The following BPTF variants were observed in gnomAD, a reference collection of about 807,000 sequenced individuals.
The protein encoded by BPTF is nucleosome-remodeling factor subunit BPTF.
BPTF carries 18 observed loss-of-function variants against 292.5 expected under a neutral mutation model. That is an observed-to-expected ratio of 0.06 (90% CI 0.04 to 0.09). The LOEUF (loss-of-function observed/expected upper bound fraction) is 0.09, where lower values mean the gene tolerates loss of function less well. BPTF is among the 10% of genes least tolerant of loss of function. BPTF has a pLI of 1.00. For missense variants in BPTF, 2,726 were observed against 3,498.7 expected (o/e 0.78, Z 5.57); for synonymous variants, 1,225 against 1,251.9 (o/e 0.98, Z 0.45).
At chr17:67,881,858 G>GTTTTTTTT (rs71354089) in intron 4 of BPTF, among the ~76,000 whole-genome samples, 10 of 30,024 alleles carry the variant, frequency 3.3e-4, no homozygotes, top group African/African-American at 5.3e-4. Context: ...TTGGGTTTTT[G>GTTTTTTTT]TTTTTTTTTT....
Position 67,903,853 on chromosome 17 carries a change from C to A in BPTF, c.2608C>A (p.Gln870Lys). 1 of 1,591,138 alleles carries A rather than the reference C, an allele frequency of 6.3e-7. No homozygotes were observed. The highest frequency in any genetic ancestry group is 8.5e-7 in the Non-Finnish European group (1 of 1,172,280). Residue 870 changes from glutamine to lysine, a missense_variant, in exon 8 of 28, where the codon CAG (glutamine) becomes AAG (lysine). This residue lies in a region of BPTF where 99 missense variants were observed against 227.1 expected (regional missense o/e 0.44). Coordinates refer to ENST00000306378, the MANE Select transcript of BPTF (RefSeq NM_182641.4). ...KEKVKKKEKK[Q>K]EEEETMQQAT... ...GAAAGTCAAAAAAAAAGAGAAGAAA[C>A]AGGAAGAAGAAGAAACGATGCAGCA...
At chr17:67,897,173 ACAAAAAC>A (rs1214972075) in intron 7 of BPTF, among the ~76,000 whole-genome samples, 8 of 149,466 alleles carry the variant, frequency 5.4e-5, no homozygotes, top group African/African-American at 2.0e-4. Context: ...CTTAAAAAAA[ACAAAAAC>A]AAAAAACGAA....
intron 1 of BPTF, among the ~76,000 whole-genome samples, chr17:67,849,972 A>C (rs1303029374): frequency 6.6e-6 from 1 of 152,114 alleles, no homozygotes; most frequent in Admixed American, 6.6e-5. Context: ...CTCAGACTCT[A>C]TTCTAGGCCT....
chr17:67,970,764 A>G (rs2068670485), intron 26 of BPTF, among the ~76,000 whole-genome samples: 2 of 152,240 alleles, frequency 1.3e-5, no homozygotes, highest in South Asian at 4.1e-4. Context: ...TTTTCACATC[A>G]GCTGTTATAG....
chr17:67,840,868 C>A (rs1196275197), intron 1 of BPTF, among the ~76,000 whole-genome samples: 2 of 151,950 alleles, frequency 1.3e-5, no homozygotes, highest in Non-Finnish European at 2.9e-5. Flanking sequence ...CAGCCAATTT[C>A]TTATTATTGA....
chr17:67,975,599 T>C (rs1162182305), intron 26 of BPTF, 173 bp from the exon 27 acceptor site: 1 of 529,638 alleles, frequency 1.9e-6, no homozygotes, highest in Non-Finnish European at 3.2e-6. Context: ...AGAAACAAAA[T>C]TGGAAAAGTA....
At chr17:67,875,717 G>T in intron 4 of BPTF, 1 of 1,601,152 alleles carries the variant, frequency 6.2e-7, no homozygotes. Context: ...GAAGAAGGTG[G>T]CATCTGAGCT....
At chr17:67,945,259 ATCC>A in intron 20 of BPTF, 147 bp from the exon 21 acceptor site, 1 of 1,398,496 alleles carries the variant, frequency 7.2e-7, no homozygotes, top group Non-Finnish European at 9.5e-7. Context: ...TGCTCAAACG[ATCC>A]TCCCACCTCA....
At chr17:67,982,089 A>G in intron 27 of BPTF, 163 bp from the exon 28 acceptor site, 1 of 670,546 alleles carries the variant, frequency 1.5e-6, no homozygotes, top group East Asian at 3.0e-5. Context: ...TTAATATTAT[A>G]GGTTAAAATT....
intron 9 of BPTF, among the ~76,000 whole-genome samples, chr17:67,905,379 G>C (rs1470912660): frequency 6.6e-6 from 1 of 151,592 alleles, no homozygotes; most frequent in African/African-American, 2.4e-5. Flanking sequence ...CTGCACTCCA[G>C]CCTAGGTGAC....
At chr17:67,932,479 T>G (rs1598747557) in intron 18 of BPTF, among the ~76,000 whole-genome samples, 2 of 152,190 alleles carry the variant, frequency 1.3e-5, no homozygotes, top group East Asian at 3.9e-4. Context: ...GGAGTATCAC[T>G]TGAGCCCAGG....
chr17:67,911,746 A>G lies in BPTF; in HGVS notation c.3862A>G (p.Thr1288Ala). 1.2e-6 allele frequency: 2 copies of G among 1,614,198 alleles called. No homozygotes were observed. The highest frequency in any genetic ancestry group is 1.7e-5 in the Admixed American group (1 of 60,012). The change falls in exon 11 of 28, where the codon ACT becomes GCT. Residue 1288 changes from threonine to alanine, a missense_variant. Physicochemically the swap from Thr to Ala is moderately conservative, Grantham distance 58. Coordinates refer to ENST00000306378, the MANE Select transcript of BPTF (RefSeq NM_182641.4). ...KLGCDSESNSTLENSSDTVSI... is the reference protein window; with the variant it reads ...KLGCDSESNSALENSSDTVSI... ...GGGATGTGACTCTGAATCTAATAGC[A>G]CTTTGGAAAATAGTTCTGATACCGT...
chr17:67,826,150 CGAGGAGGAG>C lies in BPTF; in HGVS notation c.438_446del (p.Glu146_Glu148del). On this transcript the variant is annotated inframe_deletion, in exon 1 of 28. Transcript: ENST00000306378. The stretch of plus-strand genomic sequence containing the variant: ...AGGAGGAAGAGGAGGACATGGTCTC[CGAGGAGGAG>C]GAGGAGGAGGACGGCGACGCCGAGG... 5 of 1,497,784 alleles carry C rather than the reference CGAGGAGGAG, an allele frequency of 3.3e-6. No homozygotes were observed. The East Asian group carries it at 6.8e-5, about 20-fold the overall frequency. The allele number at this position is 1,497,784 out of a possible 1,614,324, so 92.8% of individuals were successfully genotyped here. A position where few individuals can be genotyped will look rare whatever the true frequency, so the allele number is the denominator to read the frequency against.
chr17:67,974,246 T>A (rs2069125496), intron 26 of BPTF: 1 of 152,006 alleles, frequency 6.6e-6, no homozygotes, highest in African/African-American at 2.4e-5. Flanking sequence ...TCAGATAGAT[T>A]TATTTCAGTC....
chr17:67,946,443 T>C (rs1296149942), intron 21 of BPTF, 118 bp downstream of exon 21: 3 of 1,440,622 alleles, frequency 2.1e-6, no homozygotes, highest in Admixed American at 2.5e-5. Context: ...AATGTTTAAA[T>C]TTAGAAGAAA....
chr17:67,941,911 G>T (rs551413052), intron 19 of BPTF, among the ~76,000 whole-genome samples: 6 of 152,150 alleles, frequency 3.9e-5, no homozygotes, highest in Non-Finnish European at 8.8e-5. Flanking sequence ...TGAAGAAAAT[G>T]AGAAAAGAAC....
chr17:67,828,313 C>T (rs1397596783), intron 1 of BPTF, among the ~76,000 whole-genome samples: 2 of 152,082 alleles, frequency 1.3e-5, no homozygotes, highest in East Asian at 3.9e-4. Flanking sequence ...AATTGAAACA[C>T]GGAGACTGAA....
chr17:67,983,869 A>G lies in BPTF; in HGVS notation c.*1581A>G, dbSNP rs188459578. On this transcript the variant is annotated 3_prime_UTR_variant, in exon 28 of 28. Transcript: ENST00000306378. ...TTTCTTAAAAGAAAGATGTTGCTAC[A>G]GTTCCCGATTCTTTCTTATTACAGG... 315 of 152,772 alleles carry G rather than the reference A, an allele frequency of 2.1e-3. No individual in the cohort carries two copies. The highest frequency in any genetic ancestry group is 4.8e-3 in the South Asian group (23 of 4,832). 9.5% of individuals were successfully genotyped at this position (152,772 alleles called of 1,614,324 possible).
intron 5 of BPTF, among the ~76,000 whole-genome samples, chr17:67,892,884 G>C (rs1206783474): frequency 6.6e-6 from 1 of 152,084 alleles, no homozygotes; most frequent in Non-Finnish European, 1.5e-5. Context: ...CTAAGAGTTG[G>C]GATCAACTGT....
Sources: allele counts gnomAD v4.1 joint callset (sites outside exome capture counted in the v4.1 genomes callset), GRCh38; gene constraint gnomAD v4.1.1; regional missense constraint gnomAD v4.1.1; transcripts MANE v1.5; gene names NCBI Gene and HGNC (gene_info 2026-07-23, HGNC 2026-07-21).